The following ARAP2 variants were observed in gnomAD, a reference collection of about 807,000 sequenced individuals.
ARAP2 encodes arf-GAP with Rho-GAP domain, ANK repeat and PH domain-containing protein 2.
ARAP2 carries 148 observed loss-of-function variants against 194.5 expected under a neutral mutation model. The observed-to-expected ratio is 0.76, with a 90% CI of 0.67 to 0.87. The LOEUF (loss-of-function observed/expected upper bound fraction) is 0.87, where lower values mean the gene tolerates loss of function less well. Among genes scored for constraint, ARAP2 ranks in the 40% least tolerant of loss-of-function variants. ARAP2 has a pLI of 0.00. For synonymous variants in ARAP2, 695 were observed against 683.5 expected (o/e 1.02, Z -0.26); for missense variants, 2,128 against 1,989.7 (o/e 1.07, Z -1.32).
chr4:36,208,573 A>G (rs184909816), intron 6 of ARAP2, among the ~76,000 whole-genome samples: 32 of 152,304 alleles, frequency 2.1e-4, no homozygotes, highest in African/African-American at 7.7e-4. Context: ...ACCACTGCAT[A>G]AGGAAGGGGT....
At chr4:36,055,720 TG>T (rs1723394858) in intron 2 of ARAP2, among the ~76,000 whole-genome samples, 1 of 152,006 alleles carries the variant, frequency 6.6e-6, no homozygotes, top group African/African-American at 2.4e-5. Flanking sequence ...TGTACCACCA[TG>T]ACAAGCTAAT....
chr4:36,128,962 T>C (rs2109588596), intron 20 of ARAP2, among the ~76,000 whole-genome samples: 1 of 152,086 alleles, frequency 6.6e-6, no homozygotes, highest in African/African-American at 2.4e-5. Flanking sequence ...GCCTCAGCTT[T>C]TGGCAAGCCC....
intron 31 of ARAP2, among the ~76,000 whole-genome samples, chr4:36,076,606 C>T (rs1728305260): frequency 6.6e-6 from 1 of 151,892 alleles, no homozygotes; most frequent in Non-Finnish European, 1.5e-5. Flanking sequence ...CTCTCTCTCC[C>T]CAACCCTCCT....
chr4:36,068,371 TA>T, intron 32 of ARAP2, 93 bp from the exon 33 acceptor site: 6 of 1,341,430 alleles, frequency 4.5e-6, no homozygotes, highest in Non-Finnish European at 5.9e-6. Context: ...ATGCTTCCTA[TA>T]AAAGATCTCA....
In ARAP2 at chr4:36,117,058, T is replaced by C. The variant is rs760325692; in HGVS notation, c.4038+3A>G. On this transcript the variant is annotated splice_donor_region_variant and intron_variant, in intron 25 of 32. Transcript: ENST00000303965. ...CCTCTTTACATCCACCTTTAGAACTTACCCGAATTATAATACTACAGTCGG... is the reference window on the plus strand; with the variant it reads ...CCTCTTTACATCCACCTTTAGAACTCACCCGAATTATAATACTACAGTCGG... The C allele has an allele frequency of 1.3e-6, 2 of 1,580,752 alleles. No homozygotes were observed. Among genetic ancestry groups the C allele is most frequent in the Admixed American group, 3.7e-5 (2 of 54,522 alleles).
At chr4:36,184,368 A>G (rs1367869771) in intron 8 of ARAP2, among the ~76,000 whole-genome samples, 1 of 152,126 alleles carries the variant, frequency 6.6e-6, no homozygotes, top group Non-Finnish European at 1.5e-5. Flanking sequence ...CTTTTAATCA[A>G]AATAACTCAT....
At chr4:36,229,888 C>A (rs1391769944) in intron 1 of ARAP2, among the ~76,000 whole-genome samples, 1 of 152,116 alleles carries the variant, frequency 6.6e-6, no homozygotes, top group Non-Finnish European at 1.5e-5. Context: ...GACACTGACA[C>A]ATGTACTGAA....
At chr4:36,174,436 G>C (rs1737355374) in intron 9 of ARAP2, among the ~76,000 whole-genome samples, 1 of 152,120 alleles carries the variant, frequency 6.6e-6, no homozygotes, top group Non-Finnish European at 1.5e-5. Context: ...AAGAATCTGA[G>C]TGTCAGTTTT....
At chr4:36,241,080 C>CT (rs1393087212) in intron 1 of ARAP2, among the ~76,000 whole-genome samples, 1 of 152,054 alleles carries the variant, frequency 6.6e-6, no homozygotes, top group Non-Finnish European at 1.5e-5. Context: ...AGAGAGATCC[C>CT]TAAGGTAAAG....
chr4:36,160,811 G>A (rs1045074907), intron 12 of ARAP2, among the ~76,000 whole-genome samples, 170 bp from the exon 13 acceptor site: 40 of 152,198 alleles, frequency 2.6e-4, no homozygotes, highest in African/African-American at 9.4e-4. Context: ...CAGATACTAT[G>A]ATCAGTTTTT....
At chr4:36,116,399 G>A (rs905846636) in intron 25 of ARAP2, among the ~76,000 whole-genome samples, 4 of 151,828 alleles carry the variant, frequency 2.6e-5, no homozygotes, top group African/African-American at 9.7e-5. Context: ...ATAGCGACCT[G>A]AAATATCAGT....
At chr4:36,039,209 C>T (rs1720425416) in intron 5 of ARAP2, among the ~76,000 whole-genome samples, 1 of 152,166 alleles carries the variant, frequency 6.6e-6, no homozygotes, top group African/African-American at 2.4e-5. Flanking sequence ...CCTGCACCTG[C>T]CATCTCTTAG....
At chr4:36,148,740 C>G (rs1730241115) in intron 16 of ARAP2, among the ~76,000 whole-genome samples, 1 of 152,074 alleles carries the variant, frequency 6.6e-6, no homozygotes, top group African/African-American at 2.4e-5. Flanking sequence ...TATTGTATAA[C>G]TTTGTTTATG....
intron 5 of ARAP2, among the ~76,000 whole-genome samples, chr4:36,043,730 C>T (rs1721252591): frequency 6.7e-6 from 1 of 148,170 alleles, no homozygotes; most frequent in South Asian, 2.2e-4. Context: ...AGCCACCTCA[C>T]TCTGGGGCTG....
intron 9 of ARAP2, among the ~76,000 whole-genome samples, chr4:36,174,312 A>G (rs1188744716): frequency 6.6e-6 from 1 of 152,238 alleles, no homozygotes; most frequent in Non-Finnish European, 1.5e-5. Flanking sequence ...ATGGGAGAAA[A>G]TGTGCAAAAA....
chr4:36,199,383 C>T (rs1743887134), intron 6 of ARAP2, among the ~76,000 whole-genome samples: 1 of 152,222 alleles, frequency 6.6e-6, no homozygotes, highest in African/African-American at 2.4e-5. Flanking sequence ...CCTCCACCTC[C>T]CGGGTTCAAG....
intron 11 of ARAP2, among the ~76,000 whole-genome samples, chr4:36,163,244 G>GA (rs1051398424): frequency 5.3e-5 from 8 of 150,918 alleles, no homozygotes; most frequent in Admixed American, 3.3e-4. Flanking sequence ...AAATACATGG[G>GA]AAAAAAAATA....
chr4:36,134,735 T>TACACACACACACACAC (rs71199697), intron 19 of ARAP2, among the ~76,000 whole-genome samples: 4 of 148,064 alleles, frequency 2.7e-5, no homozygotes, highest in African/African-American at 7.5e-5. Flanking sequence ...CACACACAAA[T>TACACACACACACACAC]ACACACACAC....
rs1170360071 is a variant in ARAP2 at position 36,165,120 on chromosome 4, C to G, written c.1974-7G>C. 6.2e-7 allele frequency: 1 copy of G among 1,613,604 alleles called. No individual in the cohort carries two copies. The highest frequency in any genetic ancestry group is 1.3e-5 in the African/African-American group (1 of 74,880). ...TTCAGTCTCGGCTGTAAAGCTGAAA[C>G]AATTAACGTTTCTGTGTTATCGATC... On this transcript the variant is annotated splice_polypyrimidine_tract_variant and splice_region_variant and intron_variant, in intron 10 of 32. Transcript: ENST00000303965.
Sources: allele counts gnomAD v4.1 joint callset (sites outside exome capture counted in the v4.1 genomes callset), GRCh38; gene constraint gnomAD v4.1.1; transcripts MANE v1.5; gene names NCBI Gene and HGNC (gene_info 2026-07-23, HGNC 2026-07-21).